BNIP2: variants seen among roughly 807,000 people sequenced by gnomAD.
BNIP2 encodes BCL2 interacting protein 2, also known as BCL2/adenovirus E1B 19 kDa protein-interacting protein 2.
In BNIP2, 36 loss-of-function variants were observed where a neutral mutation model predicts 43.4. The ratio of observed to expected loss-of-function variants is 0.83; its 90% CI spans 0.64 to 1.10. The LOEUF is 1.10. Among genes scored for constraint, BNIP2 ranks in the 50% least tolerant of loss-of-function variants. The pLI, the probability that BNIP2 is intolerant of heterozygous loss-of-function variation, is 0.00. For synonymous variants in BNIP2, 146 were observed against 121.0 expected, an observed-to-expected ratio of 1.21 and a Z score of -1.35; for missense variants, 417 against 374.1, an observed-to-expected ratio of 1.11 and a Z score of -0.95.
chr15:59,687,099 T>C (rs1368303433), intron 1 of BNIP2, among the ~76,000 whole-genome samples: 1 of 152,174 alleles, frequency 6.6e-6, no homozygotes, highest in East Asian at 1.9e-4. Flanking sequence ...CTCGAAATTG[T>C]GAAAATAAAT....
intron 9 of BNIP2, among the ~76,000 whole-genome samples, chr15:59,665,968 A>G (rs1214513927): frequency 1.1e-5 from 1 of 92,140 alleles, no homozygotes; most frequent in Non-Finnish European, 2.3e-5. Context: ...TGTTATAAAA[A>G]ATTTGGAATG....
rs1893011806 is a variant in BNIP2 at position 59,672,727 on chromosome 15, T to A, written c.485A>T (p.Asp162Val). Residue 162 changes from aspartate (D) to valine (V), a missense_variant, in exon 6 of 10, where the codon GAT becomes GTT. Physicochemically the swap from Asp to Val is radical, Grantham distance 152. Coordinates refer to ENST00000607373, the MANE Select transcript of BNIP2 (RefSeq NM_004330.4). ...KVISHGGYYG[D>V]GLNAIVVFAV... is the part of the protein sequence containing the mutation. ...AAACACAACAATGGCATTTAATCCA[T>A]CCCCATAATATCCTAAAAAAGAAAC... is the stretch of plus-strand genomic sequence containing the variant. 3.1e-6 allele frequency: 5 copies of A among 1,613,320 alleles called. No individual in the cohort carries two copies. In the African/African-American group the frequency reaches 5.3e-5, roughly 17 times the overall value.
chr15:59,678,648 T>C, intron 4 of BNIP2: 1 of 1,176,458 alleles, frequency 8.5e-7, no homozygotes, highest in Non-Finnish European at 1.1e-6. Flanking sequence ...AGCCAAAGCA[T>C]AAGCACCAAT....
At position 59,671,194 on chromosome 15, in the gene BNIP2, T is replaced by C. The variant is rs2141995980; in HGVS notation, c.696A>G (p.Gln232=). Residue 232 remains glutamine (Q), a synonymous_variant, in exon 7 of 10, where the codon CAA becomes CAG. Coordinates refer to ENST00000607373, the MANE Select transcript of BNIP2 (RefSeq NM_004330.4). The stretch of plus-strand genomic sequence containing the variant: ...TGTATTTGTATTACCTTCTATCAAT[T>C]TGCTGATAACATTTCCTGAGCCATC... The part of the protein sequence containing the change: ...SLGWLRKCYQ[Q]IDRRLRKNLK... The C allele has an allele frequency of 6.3e-6, 10 of 1,596,438 alleles. No individual in the cohort carries two copies. The highest frequency in any genetic ancestry group is 8.5e-6 in the Non-Finnish European group (10 of 1,170,242).
chr15:59,687,015 T>C (rs1428455796), intron 1 of BNIP2, among the ~76,000 whole-genome samples: 1 of 152,032 alleles, frequency 6.6e-6, no homozygotes, highest in African/African-American at 2.4e-5. Context: ...AGACTGCATC[T>C]CAAAAAAGCT....
Position 59,660,874 on chromosome 15 carries a change from G to A in BNIP2, c.*3195C>T, listed in dbSNP as rs1204454965. 6.6e-6 allele frequency: 1 copy of A among 152,180 alleles called. No homozygotes were observed. Among genetic ancestry groups the A allele is most frequent in the Non-Finnish European group, 1.5e-5 (1 of 68,028 alleles). 9.4% of individuals were successfully genotyped at this position (152,180 alleles called of 1,614,324 possible). ...TCTCTGCTCGAACTTGCTTCTGTAT[G>A]AAGAGACAAAGAAAGAGAAAATATG... On this transcript the variant is annotated 3_prime_UTR_variant, in exon 10 of 10. Transcript: ENST00000607373.
intron 1 of BNIP2, among the ~76,000 whole-genome samples, chr15:59,683,436 A>G (rs1285600456): frequency 6.6e-6 from 1 of 152,240 alleles, no homozygotes; most frequent in Admixed American, 6.5e-5. Context: ...CAGCAGTAAC[A>G]TATTTCTGTT....
Position 59,662,045 on chromosome 15 carries a change from C to T in BNIP2, c.*2024G>A, listed in dbSNP as rs1892305796. The T allele has an allele frequency of 6.6e-6, 1 of 152,140 alleles. No homozygotes were observed. The highest frequency in any genetic ancestry group is 1.5e-5 in the Non-Finnish European group (1 of 68,024). The allele number at this position is 152,140 out of a possible 1,614,324, so 9.4% of individuals were successfully genotyped here. ...AAAATTCAGAAAAACATCACTTTTGCAACATGTATCTACAGTTAGGAGCAA... is the reference window on the plus strand; with the variant it reads ...AAAATTCAGAAAAACATCACTTTTGTAACATGTATCTACAGTTAGGAGCAA... On this transcript the variant is annotated 3_prime_UTR_variant, in exon 10 of 10. Coordinates refer to ENST00000607373, the MANE Select transcript of BNIP2 (RefSeq NM_004330.4).
At position 59,680,608 on chromosome 15, in the gene BNIP2, C is replaced by T. The variant is rs112762930; in HGVS notation, c.51-300G>A. Among the ~76,000 whole-genome samples the T allele has an allele frequency of 6.3e-3, 962 of 152,214 alleles. 2 individuals carry two copies. The highest frequency in any genetic ancestry group is 0.011 in the Non-Finnish European group (730 of 68,004). ...TAGAGACAGGGTCTTGCTATGTTAC[C>T]CAGGCTGGCCTTGAACTTTTGGGCT... On this transcript the variant is annotated intron_variant, in intron 2 of 9. Coordinates refer to ENST00000607373, the MANE Select transcript of BNIP2 (RefSeq NM_004330.4).
chr15:59,666,383 T>C (rs1200536612), intron 9 of BNIP2, among the ~76,000 whole-genome samples: 1 of 152,166 alleles, frequency 6.6e-6, no homozygotes, highest in East Asian at 1.9e-4. Context: ...AAGTTTGGTT[T>C]AGGCTGGGCG....
chr15:59,673,917 C>A (rs559655082), intron 5 of BNIP2, among the ~76,000 whole-genome samples: 1 of 151,936 alleles, frequency 6.6e-6, no homozygotes, highest in East Asian at 1.9e-4. Flanking sequence ...GGCGAAACCC[C>A]ATCTCTACTA....
rs1457547417 is a variant in BNIP2 at position 59,661,686 on chromosome 15, C to A, written c.*2383G>T. On this transcript the variant is annotated 3_prime_UTR_variant, in exon 10 of 10. Transcript: ENST00000607373. ...AAGCCAGTTAAATTAGATCCATGAT[C>A]CCAACAGAAAGATAAAAGTACAATC... The A allele has an allele frequency of 6.6e-6, 1 of 152,118 alleles. No individual in the cohort carries two copies. The highest frequency in any genetic ancestry group is 2.4e-5 in the African/African-American group (1 of 41,416). 9.4% of individuals were successfully genotyped at this position (152,118 alleles called of 1,614,324 possible).
At position 59,663,873 on chromosome 15, in the gene BNIP2, A is replaced by G; in HGVS notation, c.*196T>C. The stretch of plus-strand genomic sequence containing the variant: ...ATAATAATACAGTTAGCTATTAAAG[A>G]GCTAAATTCAAGAAATTTGCAAACC... On this transcript the variant is annotated 3_prime_UTR_variant, in exon 10 of 10. Coordinates refer to ENST00000607373, the MANE Select transcript of BNIP2 (RefSeq NM_004330.4). 5.0e-6 allele frequency: 2 copies of G among 399,076 alleles called. No individual in the cohort carries two copies. The highest frequency in any genetic ancestry group is 8.9e-6 in the Non-Finnish European group (2 of 225,520). The allele number at this position is 399,076 out of a possible 1,614,324, so 24.7% of individuals were successfully genotyped here.
chr15:59,665,868 T>A lies in BNIP2; in HGVS notation c.894-1748A>T, dbSNP rs371576301. Among the ~76,000 whole-genome samples, 5 of 152,336 alleles carry A rather than the reference T, an allele frequency of 3.3e-5. No individual in the cohort carries two copies. In the East Asian group the frequency reaches 5.8e-4, roughly 18 times the overall value. ...CATATGTTTTTATTCTCATCACCCATTACTATGCCCACCTGAATATTAGTG... is the reference window on the plus strand; with the variant it reads ...CATATGTTTTTATTCTCATCACCCAATACTATGCCCACCTGAATATTAGTG... On this transcript the variant is annotated intron_variant, in intron 9 of 9. Coordinates refer to ENST00000607373, the MANE Select transcript of BNIP2 (RefSeq NM_004330.4).
chr15:59,664,068 C>G lies in BNIP2; in HGVS notation c.*1G>C, dbSNP rs1490769515. ...AGTCTTGTTTGGACTAGATGCCAAACTTACTGTTCATTTTTCGGTTCATCT... is the reference window on the plus strand; with the variant it reads ...AGTCTTGTTTGGACTAGATGCCAAAGTTACTGTTCATTTTTCGGTTCATCT... On this transcript the variant is annotated 3_prime_UTR_variant, in exon 10 of 10. Coordinates refer to ENST00000607373, the MANE Select transcript of BNIP2 (RefSeq NM_004330.4). 6.5e-7 allele frequency: 1 copy of G among 1,547,094 alleles called. No homozygotes were observed. Among genetic ancestry groups the G allele is most frequent in the East Asian group, 2.4e-5 (1 of 41,598 alleles).
At chr15:59,689,022 G>A in intron 1 of BNIP2, 113 bp downstream of exon 1, 1 of 1,449,216 alleles carries the variant, frequency 6.9e-7, no homozygotes, top group Non-Finnish European at 9.0e-7. Flanking sequence ...GTAACTCTCT[G>A]GGTTTCCTCT....
intron 6 of BNIP2, 38 bp from the exon 7 acceptor site, chr15:59,671,352 C>A: frequency 6.5e-7 from 1 of 1,530,562 alleles, no homozygotes; most frequent in Middle Eastern, 2.0e-4. Flanking sequence ...TTAAAAATCA[C>A]TGTGCATAAC....
At position 59,664,120 on chromosome 15, in the gene BNIP2, T is replaced by C; in HGVS notation, c.894A>G (p.Gln298=). ...GTTTTCCATTAAGTTCTTGATCAAC[T>C]CTGTTTAATGAAGAATATATAAAAT... ...EYVGIPECIK[Q]VDQELNGKQD... The change falls in exon 10 of 10, where the codon CAA becomes CAG. Residue 298 remains glutamine (Q), a splice_region_variant and synonymous_variant. Transcript: ENST00000607373. The C allele has an allele frequency of 6.5e-6, 10 of 1,529,468 alleles. No homozygotes were observed. The highest frequency in any genetic ancestry group is 8.8e-6 in the Non-Finnish European group (10 of 1,132,432). The allele number at this position is 1,529,468 out of a possible 1,614,324, so 94.7% of individuals were successfully genotyped here. A position where few individuals can be genotyped will look rare whatever the true frequency, so the allele number is the denominator to read the frequency against.
At chr15:59,671,343 T>C (rs755085567) in intron 6 of BNIP2, 29 bp from the exon 7 acceptor site, 2 of 1,556,118 alleles carry the variant, frequency 1.3e-6, no homozygotes, top group Non-Finnish European at 8.7e-7. Context: ...GTTTAAGCCT[T>C]AAAAATCACT....
Sources: gnomAD v4.1 joint callset for allele counts (sites outside exome capture counted in the v4.1 genomes callset) on GRCh38, gnomAD v4.1.1 for gene constraint, MANE v1.5 for transcripts, NCBI Gene and HGNC (gene_info 2026-07-23, HGNC 2026-07-21) for gene names.